The following SPO11 variants were observed in gnomAD, a reference collection of about 807,000 sequenced individuals.
The protein encoded by SPO11 is meiotic recombination protein SPO11.
In SPO11, 49 loss-of-function variants were observed where a neutral mutation model predicts 51.6. That is an observed-to-expected ratio of 0.95 (90% CI 0.75 to 1.20). The LOEUF is 1.20. Among genes scored for constraint, SPO11 ranks in the 50% most tolerant of loss-of-function variants. SPO11 has a pLI of 0.00. For missense variants in SPO11, 431 were observed against 473.4 expected (o/e 0.91, Z 0.83); for synonymous variants, 176 against 158.2 (o/e 1.11, Z -0.84).
chr20:57,332,055 C>A (rs1431233330), intron 2 of SPO11, 109 bp downstream of exon 2: 2 of 602,986 alleles, frequency 3.3e-6, no homozygotes, highest in Non-Finnish European at 2.7e-6. Flanking sequence ...CTTTACCTTG[C>A]CAAAAAAAAG....
Position 57,333,561 on chromosome 20 carries a change from C to T in SPO11, c.335-126C>T, listed in dbSNP as rs144865285. On this transcript the variant is annotated intron_variant, in intron 3 of 12. Coordinates refer to ENST00000371263, the MANE Select transcript of SPO11 (RefSeq NM_012444.3). The stretch of plus-strand genomic sequence containing the variant: ...TGCAGGTAATTGTTCTGTACTTAAC[C>T]CTCCCATTTTGGAAAGATAATTTTT... The T allele has an allele frequency of 6.7e-5, 45 of 676,396 alleles. No individual in the cohort carries two copies. In the African/African-American group the frequency reaches 7.0e-4, roughly 10 times the overall value. 41.9% of individuals were successfully genotyped at this position (676,396 alleles called of 1,614,324 possible). A position where few individuals can be genotyped will look rare whatever the true frequency, so the allele number is the denominator to read the frequency against.
At chr20:57,343,239 C>A in intron 12 of SPO11, 102 bp from the exon 13 acceptor site, 1 of 1,385,812 alleles carries the variant, frequency 7.2e-7, no homozygotes, top group Non-Finnish European at 1.0e-6. Flanking sequence ...GACTATTGTC[C>A]CTGGTTTTGG....
chr20:57,335,438 A>G lies in SPO11; in HGVS notation c.617A>G (p.Asn206Ser). The change falls in exon 7 of 13, where the codon AAT becomes AGT. Residue 206 changes from asparagine to serine, a missense_variant. Physicochemically the swap from Asn to Ser is conservative, Grantham distance 46. Coordinates refer to ENST00000371263, the MANE Select transcript of SPO11 (RefSeq NM_012444.3). Reference protein sequence around the residue: ...CGATAVAVPSNIQGIRNLVTD... With the variant: ...CGATAVAVPSSIQGIRNLVTD... The stretch of plus-strand genomic sequence containing the variant: ...TAAAAGGCTGTTGCTGTGCCATCGA[A>G]TATTCAAGGAATTCGGAGTATCCTT... The G allele has an allele frequency of 1.2e-6, 2 of 1,610,838 alleles. No homozygotes were observed. The highest frequency in any genetic ancestry group is 1.3e-5 in the African/African-American group (1 of 74,870).
At position 57,340,119 on chromosome 20, in the gene SPO11, T is replaced by C; in HGVS notation, c.900T>C (p.Ala300=). Residue 300 remains alanine (A), a synonymous_variant, in exon 11 of 13, where the codon GCT becomes GCC. Coordinates refer to ENST00000371263, the MANE Select transcript of SPO11 (RefSeq NM_012444.3). ...TATTTTAGTCTATGTCTTTTGAAGC[T>C]CATCATCTCACAGTTCCAGCTATTA... is the stretch of plus-strand genomic sequence containing the variant. ...KYGSMSMSFE[A]HHLTVPAIRW... 1.2e-6 allele frequency: 2 copies of C among 1,611,804 alleles called. No individual in the cohort carries two copies. The highest frequency in any genetic ancestry group is 1.7e-6 in the Non-Finnish European group (2 of 1,177,944).
rs765747732 is a variant in SPO11, at chr20:57,335,813, C to T, written c.650C>T (p.Ala217Val). The part of the protein sequence containing the change: ...IQGIRNLVTD[A>V]KFVLIVEKDA... Reference sequence around the variant, plus strand: ...AACTTCACAGATTTAGTTACAGATGCAAAGTTTGTATTAATTGTAGAAAAA... The same window carrying T: ...AACTTCACAGATTTAGTTACAGATGTAAAGTTTGTATTAATTGTAGAAAAA... Residue 217 changes from alanine (A) to valine (V), a missense_variant, in exon 8 of 13, where the codon GCA (alanine) becomes GTA (valine). Transcript: ENST00000371263. 1.2e-6 allele frequency: 2 copies of T among 1,607,946 alleles called. No homozygotes were observed. The highest frequency in any genetic ancestry group is 2.2e-5 in the South Asian group (2 of 90,144).
At chr20:57,332,122 A>G (rs139944699) in intron 2 of SPO11, among the ~76,000 whole-genome samples, 176 bp downstream of exon 2, 40 of 152,334 alleles carry the variant, frequency 2.6e-4, no homozygotes, top group Middle Eastern at 3.4e-3. Context: ...AACTAGAAGT[A>G]GGTGTGAAAG....
intron 12 of SPO11, 119 bp from the exon 13 acceptor site, chr20:57,343,222 C>G (rs1220591297): frequency 1.2e-5 from 14 of 1,177,958 alleles, no homozygotes; most frequent in Non-Finnish European, 1.7e-5. Flanking sequence ...TTCTGGCTGA[C>G]CCTTAAGACT....
rs768361261 is a variant in SPO11 at position 57,333,239 on chromosome 20, G to T, written c.297G>T (p.Lys99Asn). 38 of 1,610,136 alleles carry T rather than the reference G, an allele frequency of 2.4e-5. No individual in the cohort carries two copies. The highest frequency in any genetic ancestry group is 3.3e-4 in the Middle Eastern group (2 of 6,042). The change falls in exon 3 of 13, where the codon AAG becomes AAT. Residue 99 changes from lysine to asparagine, a missense_variant. Lys to Asn is a moderately conservative substitution (Grantham distance 94). Around this residue, in one of 3 missense-constraint regions of SPO11, gnomAD observed 405 missense variants for 425.9 expected, o/e 0.95. Transcript: ENST00000371263. ...TGGTATCCCATTGCACCACCAGAAAGATCAAAAGTGATTCACCAAAATCAG... is the reference window on the plus strand; with the variant it reads ...TGGTATCCCATTGCACCACCAGAAATATCAAAAGTGATTCACCAAAATCAG... ...LQMVSHCTTRKIKSDSPKSAQ... is the reference protein window; with the variant it reads ...LQMVSHCTTRNIKSDSPKSAQ...
Position 57,331,966 on chromosome 20 carries a change from AT to A in SPO11, c.245+26del, listed in dbSNP as rs768565887. 15 of 1,375,978 alleles carry A rather than the reference AT, an allele frequency of 1.1e-5. No homozygotes were observed. Among genetic ancestry groups the A allele is most frequent in the African/African-American group, 1.5e-5 (1 of 68,744 alleles). The allele number at this position is 1,375,978 out of a possible 1,614,324, so 85.2% of individuals were successfully genotyped here. A position where few individuals can be genotyped will look rare whatever the true frequency, so the allele number is the denominator to read the frequency against. ...CATAAAGTGGGCATTTTGCATTTTTATTTTTTAAATGCAATATCTATGTCAT... is the reference window on the plus strand; with the variant it reads ...CATAAAGTGGGCATTTTGCATTTTTATTTTTAAATGCAATATCTATGTCAT... On this transcript the variant is annotated intron_variant, in intron 2 of 12. Coordinates refer to ENST00000371263, the MANE Select transcript of SPO11 (RefSeq NM_012444.3).
chr20:57,338,931 G>T, intron 9 of SPO11, 58 bp from the exon 10 acceptor site: 1 of 1,101,912 alleles, frequency 9.1e-7, no homozygotes, highest in Non-Finnish European at 1.3e-6. Context: ...ATTTGAGAGT[G>T]CAAATTAACC....
At chr20:57,338,504 C>T (rs6070065) in intron 9 of SPO11, 129 bp downstream of exon 9, 15,792 of 667,182 alleles carry the variant, frequency 0.024, 766 homozygotes, top group African/African-American at 0.16. Context: ...AGTGCAATGG[C>T]GCGATCTTGG....
At chr20:57,333,837 G>C (rs574908007) in intron 4 of SPO11, 84 bp downstream of exon 4, 1 of 1,003,154 alleles carries the variant, frequency 1.0e-6, no homozygotes, top group East Asian at 2.5e-5. Context: ...GCTTTGAAAA[G>C]TTACATAAGA....
rs142135457 is a variant in SPO11 at position 57,336,728 on chromosome 20, G to A, written c.744+821G>A. On this transcript the variant is annotated intron_variant, in intron 8 of 12. Transcript: ENST00000371263. The stretch of plus-strand genomic sequence containing the variant: ...TTTAACCCTGTTTGACTCCTCTACT[G>A]TGTTCATGTGCTATTATTTTTCCCA... 2.0e-5 allele frequency among the ~76,000 whole-genome samples: 3 copies of A among 152,274 alleles called. 1 individual carries two copies. The East Asian group carries it at 5.8e-4, about 29-fold the overall frequency.
chr20:57,341,210 T>A (rs2066577597), intron 11 of SPO11, among the ~76,000 whole-genome samples: 1 of 152,250 alleles, frequency 6.6e-6, no homozygotes, highest in Non-Finnish European at 1.5e-5. Context: ...CATTCCCTCA[T>A]AGCCATTTAA....
At position 57,338,627 on chromosome 20, in the gene SPO11, TAG is replaced by T. The variant is rs28368090; in HGVS notation, c.844+256_844+257del. ...CCTGGCTAATTTTTTATATTTTTAG[TAG>T]AGACGGGGTTTTACCATGTTGGCCA... On this transcript the variant is annotated intron_variant, in intron 9 of 12. Coordinates refer to ENST00000371263, the MANE Select transcript of SPO11 (RefSeq NM_012444.3). 1.2e-3 allele frequency among the ~76,000 whole-genome samples: 188 copies of T among 152,106 alleles called. 1 individual carries two copies. The highest frequency in any genetic ancestry group is 4.4e-3 in the African/African-American group (181 of 41,478).
intron 11 of SPO11, 68 bp from the exon 12 acceptor site, chr20:57,342,661 G>A: frequency 1.1e-6 from 1 of 948,610 alleles, no homozygotes; most frequent in Non-Finnish European, 1.7e-6. Flanking sequence ...ATAAATACAG[G>A]CAAAATACAG....
At chr20:57,333,896 C>T in intron 4 of SPO11, 91 bp from the exon 5 acceptor site, 1 of 927,890 alleles carries the variant, frequency 1.1e-6, no homozygotes, top group Non-Finnish European at 1.6e-6. Flanking sequence ...TGTTTTCATC[C>T]AGTTAAAGCT....
At chr20:57,335,059 T>G (rs1238310402) in intron 6 of SPO11, among the ~76,000 whole-genome samples, 1 of 152,226 alleles carries the variant, frequency 6.6e-6, no homozygotes, top group Non-Finnish European at 1.5e-5. Flanking sequence ...ATATAACTCT[T>G]AAAAATGCAC....
At chr20:57,332,397 G>T (rs1014860695) in intron 2 of SPO11, among the ~76,000 whole-genome samples, 3 of 152,164 alleles carry the variant, frequency 2.0e-5, no homozygotes, top group African/African-American at 7.2e-5. Flanking sequence ...CACATTTAAG[G>T]CTTTCTCCTG....
Sources: gnomAD v4.1 joint callset for allele counts (sites outside exome capture counted in the v4.1 genomes callset) on GRCh38, gnomAD v4.1.1 for gene constraint, gnomAD v4.1.1 regional missense constraint, MANE v1.5 for transcripts, NCBI Gene and HGNC (gene_info 2026-07-23, HGNC 2026-07-21) for gene names.